Variants in PTPRD observed in about 807,000 individuals in gnomAD.
The protein encoded by PTPRD is receptor-type tyrosine-protein phosphatase delta.
PTPRD carries 34 observed loss-of-function variants against 214.5 expected under a neutral mutation model. The observed-to-expected ratio is 0.16, with a 90% CI of 0.12 to 0.21. The LOEUF is 0.21. PTPRD is among the 10% of genes least tolerant of loss of function. The pLI, the probability that PTPRD is intolerant of heterozygous loss-of-function variation, is 1.00. For synonymous variants in PTPRD, 1,128 were observed against 845.7 expected (o/e 1.33, Z -5.79); for missense variants, 2,545 against 2,398.7 (o/e 1.06, Z -1.27).
chr9:8,669,767 A>G (rs2097243642), intron 12 of PTPRD, among the ~76,000 whole-genome samples: 1 of 152,172 alleles, frequency 6.6e-6, no homozygotes, highest in South Asian at 2.1e-4. Context: ...GGTCACCTGG[A>G]ATGCCAGTTA....
chr9:10,064,008 C>A (rs1386280064), intron 3 of PTPRD, among the ~76,000 whole-genome samples: 1 of 151,628 alleles, frequency 6.6e-6, no homozygotes, highest in East Asian at 1.9e-4. Context: ...CCTAACCCTT[C>A]ATATATTTTC....
In PTPRD at chr9:8,934,520, A is replaced by AATATATATAT. The variant is rs60438547; in HGVS notation, c.-104+84167_-104+84176dup. On this transcript the variant is annotated intron_variant, in intron 11 of 45. Transcript: ENST00000381196. ...ATATATATATAAATATATATATATA[A>AATATATATAT]ATATATATATATATGGGAAACCATA... Among the ~76,000 whole-genome samples the AATATATATAT allele has an allele frequency of 7.0e-3, 120 of 17,052 alleles. 9 individuals carry two copies. Among genetic ancestry groups the AATATATATAT allele is most frequent in the East Asian group, 0.021 (8 of 384 alleles). The allele number at this position is 17,052 out of a possible 152,430, so 11.2% of individuals were successfully genotyped here.
chr9:9,753,190 C>G (rs550929945), intron 6 of PTPRD, among the ~76,000 whole-genome samples: 54 of 152,092 alleles, frequency 3.6e-4, no homozygotes, highest in Non-Finnish European at 6.5e-4. Flanking sequence ...CCAAGGACAT[C>G]ACTACTGTAA....
intron 9 of PTPRD, among the ~76,000 whole-genome samples, chr9:9,375,271 C>T (rs939260071): frequency 6.6e-6 from 1 of 152,058 alleles, no homozygotes; most frequent in African/African-American, 2.4e-5. Context: ...AAATGTTGTG[C>T]AGGTATCCAA....
At chr9:8,841,939 A>G (rs948087917) in intron 11 of PTPRD, among the ~76,000 whole-genome samples, 4 of 152,020 alleles carry the variant, frequency 2.6e-5, no homozygotes, top group Admixed American at 6.5e-5. Flanking sequence ...TGAGCCCAGG[A>G]AGCAGAGGTT....
chr9:10,603,710 CTAT>C (rs2078556187), intron 2 of PTPRD, among the ~76,000 whole-genome samples: 2 of 151,710 alleles, frequency 1.3e-5, no homozygotes, highest in African/African-American at 4.8e-5. Flanking sequence ...TAAGTGTTGG[CTAT>C]TATTATTACC....
chr9:8,592,531 G>T (rs938370831), intron 14 of PTPRD, among the ~76,000 whole-genome samples: 4 of 152,198 alleles, frequency 2.6e-5, no homozygotes, highest in Admixed American at 1.3e-4. Flanking sequence ...CTTTCATTTT[G>T]ATTACAGTCG....
intron 11 of PTPRD, among the ~76,000 whole-genome samples, chr9:8,923,983 A>C (rs2098846005): frequency 6.6e-6 from 1 of 152,226 alleles, no homozygotes; most frequent in South Asian, 2.1e-4. Flanking sequence ...ACATAGCTAA[A>C]AAGATTGAAC....
At chr9:10,064,514 G>T (rs2097841792) in intron 3 of PTPRD, among the ~76,000 whole-genome samples, 1 of 151,724 alleles carries the variant, frequency 6.6e-6, no homozygotes, top group Non-Finnish European at 1.5e-5. Context: ...TTTCCATCAG[G>T]GGATTGTGGT....
At chr9:10,408,866 T>C (rs947827219) in intron 2 of PTPRD, among the ~76,000 whole-genome samples, 1 of 151,750 alleles carries the variant, frequency 6.6e-6, no homozygotes, top group Non-Finnish European at 1.5e-5. Flanking sequence ...GAAACTTCAG[T>C]GCTCAGTATA....
At chr9:8,762,361 T>G (rs112528725) in intron 11 of PTPRD, among the ~76,000 whole-genome samples, 12 of 152,238 alleles carry the variant, frequency 7.9e-5, no homozygotes, top group African/African-American at 2.6e-4. Context: ...AAACTGCATA[T>G]ATCACCTTCA....
At chr9:10,223,857 A>G (rs913467351) in intron 3 of PTPRD, among the ~76,000 whole-genome samples, 4 of 151,522 alleles carry the variant, frequency 2.6e-5, no homozygotes, top group Admixed American at 1.3e-4. Context: ...GAAAAGTGCT[A>G]TAAGAAAAAA....
At chr9:10,277,209 A>AAACATAAAACATAAACATAAACATAC (rs2094754858) in intron 3 of PTPRD, among the ~76,000 whole-genome samples, 1 of 151,774 alleles carries the variant, frequency 6.6e-6, no homozygotes, top group Non-Finnish European at 1.5e-5. Flanking sequence ...ACATAAACAT[A>AAACATAAAACATAAACATAAACATAC]AACATACAAC....
chr9:10,120,813 T>C (rs978673797), intron 3 of PTPRD, among the ~76,000 whole-genome samples: 1 of 152,066 alleles, frequency 6.6e-6, no homozygotes, highest in South Asian at 2.1e-4. Context: ...ATCTTAATAA[T>C]TGCAGGCCAA....
chr9:8,750,344 G>C (rs182232141), intron 11 of PTPRD, among the ~76,000 whole-genome samples: 1 of 151,826 alleles, frequency 6.6e-6, no homozygotes, highest in African/African-American at 2.4e-5. Context: ...TTTTAGTAGC[G>C]ACAGGGTTTT....
At chr9:9,283,622 T>A (rs1436443877) in intron 9 of PTPRD, among the ~76,000 whole-genome samples, 1 of 151,524 alleles carries the variant, frequency 6.6e-6, no homozygotes, top group Non-Finnish European at 1.5e-5. Flanking sequence ...CTTTTCCTCA[T>A]GACCATTTGG....
intron 10 of PTPRD, among the ~76,000 whole-genome samples, chr9:9,146,670 G>T (rs956033595): frequency 2.6e-5 from 4 of 152,060 alleles, no homozygotes; most frequent in African/African-American, 9.7e-5. Context: ...AAAAATATTT[G>T]ATTATTTCAA....
At chr9:8,561,608 G>T (rs1002123845) in intron 14 of PTPRD, among the ~76,000 whole-genome samples, 2 of 151,970 alleles carry the variant, frequency 1.3e-5, no homozygotes, top group Non-Finnish European at 2.9e-5. Flanking sequence ...GTGGGGGTGA[G>T]GGGGGGTGGA....
intron 3 of PTPRD, among the ~76,000 whole-genome samples, chr9:10,090,311 C>G (rs1046018678): frequency 6.6e-6 from 1 of 151,546 alleles, no homozygotes; most frequent in African/African-American, 2.4e-5. Flanking sequence ...ATTAGCCAGA[C>G]TAGCTTATTC....
Sources: gnomAD v4.1 joint callset for allele counts (sites outside exome capture counted in the v4.1 genomes callset) on GRCh38, gnomAD v4.1.1 for gene constraint, MANE v1.5 for transcripts, NCBI Gene and HGNC (gene_info 2026-07-23, HGNC 2026-07-21) for gene names.